Variants in TSC1 observed in about 807,000 individuals in gnomAD.
The protein encoded by TSC1 is TSC complex subunit 1, also known as hamartin.
Under a neutral mutation model 124.3 loss-of-function variants are expected in TSC1, and 20 were observed. The ratio of observed to expected loss-of-function variants is 0.16; its 90% CI spans 0.11 to 0.23. The LOEUF is 0.23. Ranked by LOEUF, TSC1 falls within the 10% of genes least tolerant of loss-of-function variation. The pLI is 1.00. For synonymous variants in TSC1, 493 were observed against 539.1 expected, an observed-to-expected ratio of 0.91 and a Z score of 1.19; for missense variants, 1,124 against 1,448.5, an observed-to-expected ratio of 0.78 and a Z score of 3.64.
chr9:132,927,119 G>A, intron 4 of TSC1, 82 bp downstream of exon 4: 1 of 1,329,830 alleles, frequency 7.5e-7, no homozygotes, highest in Admixed American at 1.9e-5. Flanking sequence ...ATAAGCTCAG[G>A]ACAAGTTGCA....
chr9:132,929,798 T>A (rs1174774629), intron 2 of TSC1, among the ~76,000 whole-genome samples: 1 of 152,222 alleles, frequency 6.6e-6, no homozygotes, highest in Non-Finnish European at 1.5e-5. Flanking sequence ...TTGGCACTTT[T>A]GTCCCCATTG....
chr9:132,937,078 G>A (rs1847491323), intron 1 of TSC1, among the ~76,000 whole-genome samples: 1 of 152,218 alleles, frequency 6.6e-6, no homozygotes, highest in Non-Finnish European at 1.5e-5. Flanking sequence ...CCAGAAAAGA[G>A]GGATCATACC....
chr9:132,897,329 C>T lies in TSC1; in HGVS notation c.2830G>A (p.Ala944Thr), dbSNP rs751362258. Reference sequence around the variant, plus strand: ...TTCTGAGCCTCATACCTGCTCTCTGCGGCCTGCAGCTGTCCTCTGAAAGAT... The same window carrying T: ...TTCTGAGCCTCATACCTGCTCTCTGTGGCCTGCAGCTGTCCTCTGAAAGAT... ...KLQARGQLQA[A>T]ESRYEAQKRI... Residue 944 changes from alanine to threonine, a missense_variant, in exon 22 of 23, where the codon GCA becomes ACA. Physicochemically the swap from Ala to Thr is moderately conservative, Grantham distance 58. Around this residue, in one of 5 missense-constraint regions of TSC1, gnomAD observed 325 missense variants for 383.4 expected, o/e 0.85. Coordinates refer to ENST00000298552, the MANE Select transcript of TSC1 (RefSeq NM_000368.5). 15 of 1,614,068 alleles carry T rather than the reference C, an allele frequency of 9.3e-6. No homozygotes were observed. The highest frequency in any genetic ancestry group is 7.7e-5 in the South Asian group (7 of 91,094).
chr9:132,926,038 G>C (rs1846841745), intron 4 of TSC1: 1 of 424,288 alleles, frequency 2.4e-6, no homozygotes, highest in Non-Finnish European at 4.4e-6. Context: ...CCCAAACTGT[G>C]ATAGGTTACT....
At chr9:132,940,338 A>C (rs934662883) in intron 1 of TSC1, among the ~76,000 whole-genome samples, 5 of 152,186 alleles carry the variant, frequency 3.3e-5, no homozygotes, top group African/African-American at 1.2e-4. Context: ...TCCATAAATT[A>C]CCTGAAGCCA....
chr9:132,908,991 G>A (rs1181326322), intron 12 of TSC1, among the ~76,000 whole-genome samples: 5 of 148,126 alleles, frequency 3.4e-5, no homozygotes, highest in East Asian at 4.0e-4. Context: ...TGCAACCTCC[G>A]CCTCCTGGGT....
chr9:132,907,723 C>CA (rs936839493), intron 12 of TSC1, among the ~76,000 whole-genome samples: 1 of 152,206 alleles, frequency 6.6e-6, no homozygotes, highest in Non-Finnish European at 1.5e-5. Flanking sequence ...CTCCCAACCT[C>CA]AGATGATCTG....
In TSC1 at chr9:132,906,348, C is replaced by T. The variant is rs17149968; in HGVS notation, c.1439-209G>A. 1 of 639,928 alleles carries T rather than the reference C, an allele frequency of 1.6e-6. No homozygotes were observed. Among genetic ancestry groups the T allele is most frequent in the Non-Finnish European group, 2.8e-6 (1 of 358,558 alleles). 39.6% of individuals were successfully genotyped at this position (639,928 alleles called of 1,614,324 possible). On this transcript the variant is annotated intron_variant, in intron 14 of 22. Coordinates refer to ENST00000298552, the MANE Select transcript of TSC1 (RefSeq NM_000368.5). This position sits in a 1 kb window ranked among gnomAD's most constrained non-coding sequence, Gnocchi z 4.1. ...ATCACTTGAGCCCAGGAGTTAGAGA[C>T]CAGCCTGGACAACATAGGGAGATCC... is the stretch of plus-strand genomic sequence containing the variant.
Position 132,921,690 on chromosome 9 carries a change from T to G in TSC1, c.663+129A>C. On this transcript the variant is annotated intron_variant, in intron 7 of 22. Transcript: ENST00000298552. This position sits in a 1 kb window ranked among gnomAD's most constrained non-coding sequence, Gnocchi z 4.3. ...AACAGATTAGTGGCTGCCTAGGGAT[T>G]GGAGTGGCGAGGAAGAAAACTGAAT... 7.9e-7 allele frequency: 1 copy of G among 1,259,522 alleles called. No homozygotes were observed. Among genetic ancestry groups the G allele is most frequent in the Non-Finnish European group, 1.1e-6 (1 of 871,860 alleles). The allele number at this position is 1,259,522 out of a possible 1,614,324, so 78.0% of individuals were successfully genotyped here. A position where few individuals can be genotyped will look rare whatever the true frequency, so the allele number is the denominator to read the frequency against.
At position 132,896,668 on chromosome 9, in the gene TSC1, G is replaced by A. The variant is rs1845082733; in HGVS notation, c.3062C>T (p.Pro1021Leu). ...ACTGCCCCGGGCGCTGCTGGGCCTG[G>A]GGGTCTTGGTCTCACCGTTGTGGCC... ...ASGHNGETKT[P>L]RPSSARGSSG... Residue 1021 changes from proline (P) to leucine (L), a missense_variant, in exon 23 of 23, where the codon CCC becomes CTC. Physicochemically the swap from Pro to Leu is moderately conservative, Grantham distance 98. This residue lies in a region of TSC1 where 325 missense variants were observed against 383.4 expected (regional missense o/e 0.85). Coordinates refer to ENST00000298552, the MANE Select transcript of TSC1 (RefSeq NM_000368.5). This position sits in a 1 kb window ranked among gnomAD's most constrained non-coding sequence, Gnocchi z 4.5. The A allele has an allele frequency of 1.2e-6, 2 of 1,613,944 alleles. No homozygotes were observed. Among genetic ancestry groups the A allele is most frequent in the Admixed American group, 1.7e-5 (1 of 59,994 alleles).
intron 1 of TSC1, among the ~76,000 whole-genome samples, chr9:132,936,932 T>C (rs1847481881): frequency 2.0e-5 from 3 of 152,228 alleles, no homozygotes; most frequent in South Asian, 4.1e-4. Context: ...AGGAACTCTC[T>C]AACAATTAAA....
rs1482490589 is a variant in TSC1, at chr9:132,896,059, C to T, written c.*176G>A. 1.1e-6 allele frequency: 1 copy of T among 904,598 alleles called. No homozygotes were observed. The highest frequency in any genetic ancestry group is 1.8e-6 in the Non-Finnish European group (1 of 569,128). 56.0% of individuals were successfully genotyped at this position (904,598 alleles called of 1,614,324 possible). A position where few individuals can be genotyped will look rare whatever the true frequency, so the allele number is the denominator to read the frequency against. ...TGGAGGGGAAGGTCAAGAGGCATTT[C>T]AATGCCAGATCCAAAAACCGTTCTG... On this transcript the variant is annotated 3_prime_UTR_variant, in exon 23 of 23. Coordinates refer to ENST00000298552, the MANE Select transcript of TSC1 (RefSeq NM_000368.5). The surrounding 1 kb of genome is among the most constrained non-coding windows in gnomAD (Gnocchi z 4.5).
In TSC1 at chr9:132,905,827, C is replaced by G. The variant is rs786203799; in HGVS notation, c.1751G>C (p.Ser584Thr). 8 of 1,614,186 alleles carry G rather than the reference C, an allele frequency of 5.0e-6. No homozygotes were observed. Among genetic ancestry groups the G allele is most frequent in the Non-Finnish European group, 6.8e-6 (8 of 1,180,006 alleles). Reference protein sequence around the residue: ...TSLETSIFTPSPCKIPPPTRV... With the variant: ...TSLETSIFTPTPCKIPPPTRV... Reference sequence around the variant, plus strand: ...CGTCGGAGGTGGAATTTTACAAGGACTGGGAGTGAAGATACTGGTCTCCAA... The same window carrying G: ...CGTCGGAGGTGGAATTTTACAAGGAGTGGGAGTGAAGATACTGGTCTCCAA... The change falls in exon 15 of 23, where the codon AGT becomes ACT. Residue 584 changes from serine to threonine, a missense_variant. Coordinates refer to ENST00000298552, the MANE Select transcript of TSC1 (RefSeq NM_000368.5).
Position 132,891,624 on chromosome 9 carries a change from A to G in TSC1, c.*4611T>C, listed in dbSNP as rs927295505. The G allele has an allele frequency of 8.6e-6, 2 of 233,484 alleles. No homozygotes were observed. Among genetic ancestry groups the G allele is most frequent in the Non-Finnish European group, 1.7e-5 (2 of 118,026 alleles). The allele number at this position is 233,484 out of a possible 1,614,324, so 14.5% of individuals were successfully genotyped here. On this transcript the variant is annotated 3_prime_UTR_variant, in exon 23 of 23. Transcript: ENST00000298552. ...CCGTTAAAAAAAATCAGTTTCTTTC[A>G]CTGATGGGACCCCTTTAAACTGCAA...
intron 12 of TSC1, among the ~76,000 whole-genome samples, chr9:132,908,758 CG>C (rs1166229843): frequency 1.3e-5 from 2 of 151,700 alleles, no homozygotes; most frequent in African/African-American, 2.4e-5. Flanking sequence ...AAAAAGTAAA[CG>C]TATGTTGACA....
intron 20 of TSC1, among the ~76,000 whole-genome samples, chr9:132,898,035 G>A (rs1051346077): frequency 3.3e-5 from 5 of 152,158 alleles, no homozygotes; most frequent in South Asian, 2.1e-4. Context: ...TCAACTATGC[G>A]AACATATACA....
chr9:132,936,410 C>G (rs557336823), intron 1 of TSC1, among the ~76,000 whole-genome samples: 1 of 152,204 alleles, frequency 6.6e-6, no homozygotes, highest in Non-Finnish European at 1.5e-5. Flanking sequence ...AGCCACTGCA[C>G]CTGGCCAGTA....
intron 22 of TSC1, 74 bp downstream of exon 22, chr9:132,897,110 C>T: frequency 6.2e-7 from 1 of 1,607,392 alleles, no homozygotes; most frequent in Non-Finnish European, 8.5e-7. Flanking sequence ...CTGCTTCCCA[C>T]ACCACGTGAC....
intron 9 of TSC1, 110 bp from the exon 10 acceptor site, chr9:132,911,678 A>T (rs1276692816): frequency 1.5e-6 from 1 of 672,448 alleles, no homozygotes; most frequent in Non-Finnish European, 2.5e-6. Flanking sequence ...AGACCATTTG[A>T]TAATATTCAA....
Sources: allele counts gnomAD v4.1 joint callset (sites outside exome capture counted in the v4.1 genomes callset), GRCh38; gene constraint gnomAD v4.1.1; regional missense constraint gnomAD v4.1.1; non-coding constraint Gnocchi (gnomAD v3.1); transcripts MANE v1.5; gene names NCBI Gene and HGNC (gene_info 2026-07-23, HGNC 2026-07-21).